The following SP140 variants were observed in gnomAD, a reference collection of about 807,000 sequenced individuals.
SP140 encodes SP140 nuclear body protein.
A neutral mutation model predicts 125.0 loss-of-function variants in SP140; 81 were observed. The ratio of observed to expected loss-of-function variants is 0.65; its 90% CI spans 0.54 to 0.78. The LOEUF is 0.78. Among genes scored for constraint, SP140 ranks in the 30% least tolerant of loss-of-function variants. The probability of loss-of-function intolerance (pLI) is 0.00; values close to 1 mark genes in which losing one functional copy is unlikely to be tolerated. For synonymous variants in SP140, 312 were observed against 354.0 expected (o/e 0.88, Z 1.33); for missense variants, 858 against 1,037.0 (o/e 0.83, Z 2.37).
At chr2:230,190,129 A>G in the SP140 span, among the ~76,000 whole-genome samples, 13 of 152,172 alleles carry the variant, frequency 8.5e-5, no homozygotes, top group Non-Finnish European at 1.3e-4. Context: ...GAATCACCAC[A>G]CTGTCTTCCA....
chr2:230,222,160 C>G (rs2045877947), upstream of SP140, among the ~76,000 whole-genome samples: 1 of 150,360 alleles, frequency 6.7e-6, no homozygotes, highest in African/African-American at 2.4e-5. Context: ...AACTCAGGAG[C>G]TGGAGGTTGC....
At chr2:230,263,708 G>T (rs1226689656) in intron 12 of SP140, among the ~76,000 whole-genome samples, 2 of 152,124 alleles carry the variant, frequency 1.3e-5, no homozygotes, top group Non-Finnish European at 2.9e-5. Context: ...GAAAAAGACT[G>T]TATCTTTCCT....
At chr2:230,303,324 C>A (rs1229084681) in intron 22 of SP140, among the ~76,000 whole-genome samples, 1 of 152,046 alleles carries the variant, frequency 6.6e-6, no homozygotes, top group African/African-American at 2.4e-5. Context: ...TGGATAAATT[C>A]CTGGAAATAT....
chr2:230,262,385 T>A (rs1490345464), intron 12 of SP140, among the ~76,000 whole-genome samples: 2 of 152,222 alleles, frequency 1.3e-5, no homozygotes, highest in Non-Finnish European at 2.9e-5. Flanking sequence ...ATTTACCTTT[T>A]CGAAGAACCA....
intron 12 of SP140, among the ~76,000 whole-genome samples, chr2:230,256,803 T>C (rs1272445421): frequency 1.3e-5 from 2 of 152,206 alleles, no homozygotes; most frequent in African/African-American, 4.8e-5. Context: ...TACCATCTAA[T>C]TGGCAGAACT....
intron 14 of SP140, 105 bp downstream of exon 14, chr2:230,270,058 G>C (rs987375974): frequency 1.4e-5 from 10 of 739,792 alleles, no homozygotes; most frequent in Non-Finnish European, 2.1e-5. Flanking sequence ...TCTATTCTCC[G>C]CATTTGCTTG....
rs912573398 is a variant in SP140 at position 230,269,904 on chromosome 2, A to G, written c.1395A>G (p.Pro465=). The G allele has an allele frequency of 6.2e-7, 1 of 1,613,988 alleles. No individual in the cohort carries two copies. The highest frequency in any genetic ancestry group is 8.5e-7 in the Non-Finnish European group (1 of 1,179,956). The change falls in exon 14 of 27, where the codon CCA becomes CCG. Residue 465 remains proline (P), a synonymous_variant. Coordinates refer to ENST00000392045, the MANE Select transcript of SP140 (RefSeq NM_007237.5). ...TCATGTGTTTCTCAGAAGAGGTGCC[A>G]GGAAGCCCAGAAGCAAGGACGGAAA... The part of the protein sequence containing the change: ...SCVMCFSEEV[P]GSPEARTESD...
intron 1 of SP140, among the ~76,000 whole-genome samples, chr2:230,230,871 A>G (rs2047135896): frequency 6.6e-6 from 1 of 152,200 alleles, no homozygotes; most frequent in Admixed American, 6.5e-5. Flanking sequence ...TCCTTCTCGT[A>G]TTCCAATTAC....
At chr2:230,202,813 A>G (rs2043313493), upstream of SP140, 1 of 1,294,522 alleles carries the variant, frequency 7.7e-7, no homozygotes, top group Non-Finnish European at 1.1e-6. Context: ...TTCCCTTCTC[A>G]TGCCCCTAAC....
chr2:230,214,677 T>C (rs972517100), intron 3 of SP140, among the ~76,000 whole-genome samples: 4 of 152,228 alleles, frequency 2.6e-5, no homozygotes, highest in African/African-American at 9.6e-5. Context: ...GCATTCCCTA[T>C]AGATTTTCCA....
the SP140 span, among the ~76,000 whole-genome samples, chr2:230,194,072 G>A: frequency 6.6e-6 from 1 of 152,128 alleles, no homozygotes; most frequent in Admixed American, 6.5e-5. Flanking sequence ...GAGGGGAAGT[G>A]CAAGCAGGCA....
At chr2:230,294,762 C>G (rs1437403472) in intron 21 of SP140, among the ~76,000 whole-genome samples, 1 of 152,188 alleles carries the variant, frequency 6.6e-6, no homozygotes, top group Non-Finnish European at 1.5e-5. Flanking sequence ...GATATTTGCT[C>G]ACATCCATTT....
At chr2:230,275,719 A>G (rs545708143) in intron 15 of SP140, among the ~76,000 whole-genome samples, 1 of 152,336 alleles carries the variant, frequency 6.6e-6, no homozygotes, top group East Asian at 1.9e-4. Context: ...GGTGAGGCTT[A>G]GTTAGGAAGC....
At chr2:230,273,323 G>A (rs1475292995) in intron 15 of SP140, among the ~76,000 whole-genome samples, 1 of 152,166 alleles carries the variant, frequency 6.6e-6, no homozygotes, top group African/African-American at 2.4e-5. Context: ...CATACATGCA[G>A]CCAGCAATCA....
intron 22 of SP140, among the ~76,000 whole-genome samples, chr2:230,303,192 C>G (rs9653376): frequency 6.6e-6 from 1 of 152,058 alleles, no homozygotes; most frequent in Non-Finnish European, 1.5e-5. Flanking sequence ...TAGAGAAGAT[C>G]CAAATAAGCC....
chr2:230,245,245 GT>G (rs765749576), intron 6 of SP140, among the ~76,000 whole-genome samples, 165 bp downstream of exon 6: 3 of 152,164 alleles, frequency 2.0e-5, no homozygotes, highest in African/African-American at 4.8e-5. Context: ...GGACGGCTAA[GT>G]CCTTTAGTGG....
At position 230,228,501 on chromosome 2, in the gene SP140, A is replaced by G. The variant is rs141738197; in HGVS notation, c.59+2598A>G. Among the ~76,000 whole-genome samples, 138 of 152,344 alleles carry G rather than the reference A, an allele frequency of 9.1e-4. 1 individual carries two copies. The highest frequency in any genetic ancestry group is 3.2e-3 in the African/African-American group (132 of 41,584). ...AAAAAGAAGTGTTGAAGCCTTCAATAATAGTAGTGAATTTGTCTATTTCTC... is the reference window on the plus strand; with the variant it reads ...AAAAAGAAGTGTTGAAGCCTTCAATGATAGTAGTGAATTTGTCTATTTCTC... On this transcript the variant is annotated intron_variant, in intron 1 of 26. Transcript: ENST00000392045.
At chr2:230,193,074 T>C in the SP140 span, among the ~76,000 whole-genome samples, 1 of 152,254 alleles carries the variant, frequency 6.6e-6, no homozygotes, top group South Asian at 2.1e-4. Context: ...AATATCTTCC[T>C]GTTAGATTGA....
intron 15 of SP140, among the ~76,000 whole-genome samples, chr2:230,274,668 C>G (rs1430956224): frequency 6.6e-6 from 1 of 151,810 alleles, no homozygotes; most frequent in Non-Finnish European, 1.5e-5. Flanking sequence ...GCAGCAATAC[C>G]TTTTGTAAGA....
Sources: allele counts gnomAD v4.1 joint callset (sites outside exome capture counted in the v4.1 genomes callset), GRCh38; gene constraint gnomAD v4.1.1; transcripts MANE v1.5; gene names NCBI Gene and HGNC (gene_info 2026-07-23, HGNC 2026-07-21).